The following CCDC47 variants were observed in gnomAD, a reference collection of about 807,000 sequenced individuals.
The protein encoded by CCDC47 is coiled-coil domain containing 47.
In CCDC47, 41 loss-of-function variants were observed where a neutral mutation model predicts 60.5. The ratio of observed to expected loss-of-function variants is 0.68; its 90% CI spans 0.53 to 0.88. CCDC47 has a LOEUF of 0.88. Ranked by LOEUF, CCDC47 falls within the 40% of genes least tolerant of loss-of-function variation. The probability of loss-of-function intolerance (pLI) is 0.00; values close to 1 mark genes in which losing one functional copy is unlikely to be tolerated. For synonymous variants in CCDC47, 195 were observed against 190.7 expected, an observed-to-expected ratio of 1.02 and a Z score of -0.18; for missense variants, 513 against 580.9, an observed-to-expected ratio of 0.88 and a Z score of 1.20.
chr17:63,771,125 C>A (rs1053378711), intron 1 of CCDC47, among the ~76,000 whole-genome samples: 2 of 151,680 alleles, frequency 1.3e-5, no homozygotes, highest in African/African-American at 4.9e-5. Context: ...TTGAGAAATG[C>A]CATAAAGGAT....
chr17:63,773,373 C>G (rs968570343), intron 1 of CCDC47, 39 bp downstream of exon 1: 1 of 152,324 alleles, frequency 6.6e-6, no homozygotes, highest in Non-Finnish European at 1.5e-5. Flanking sequence ...TCGGCCTGGC[C>G]CGGCCACGCC....
chr17:63,763,012 C>T (rs551558598), intron 4 of CCDC47, among the ~76,000 whole-genome samples: 1 of 152,288 alleles, frequency 6.6e-6, no homozygotes, highest in Non-Finnish European at 1.5e-5. Context: ...GCCTCAAACT[C>T]CTGAGCTCAA....
intron 4 of CCDC47, among the ~76,000 whole-genome samples, chr17:63,763,474 G>A (rs2039275093): frequency 6.6e-6 from 1 of 152,042 alleles, no homozygotes; most frequent in Non-Finnish European, 1.5e-5. Flanking sequence ...GCAGTGAACT[G>A]TAATCATACC....
chr17:63,772,581 T>C (rs764600633), intron 1 of CCDC47, among the ~76,000 whole-genome samples: 6 of 152,090 alleles, frequency 3.9e-5, no homozygotes, highest in Non-Finnish European at 8.8e-5. Context: ...CTTAAAACTT[T>C]TTTTTCATAT....
At chr17:63,771,334 G>A (rs948747036) in intron 1 of CCDC47, among the ~76,000 whole-genome samples, 8 of 152,046 alleles carry the variant, frequency 5.3e-5, no homozygotes, top group Admixed American at 6.6e-5. Flanking sequence ...TAGGTTATAC[G>A]TAAATACTAC....
intron 12 of CCDC47, 69 bp from the exon 13 acceptor site, chr17:63,747,030 C>A: frequency 6.4e-7 from 1 of 1,561,898 alleles, no homozygotes; most frequent in Admixed American, 2.0e-5. Flanking sequence ...AAGCTTGAAA[C>A]ATATGTTAAA....
intron 4 of CCDC47, 104 bp downstream of exon 4, chr17:63,763,912 T>C: frequency 1.4e-6 from 1 of 736,862 alleles, no homozygotes; most frequent in Non-Finnish European, 2.0e-6. Flanking sequence ...TGCACCCTCT[T>C]TGGTATTCCA....
chr17:63,765,876 C>G, intron 2 of CCDC47, 36 bp downstream of exon 2: 1 of 1,578,114 alleles, frequency 6.3e-7, no homozygotes, highest in South Asian at 1.2e-5. Context: ...GTGCTAGTTA[C>G]AAATTTTTCC....
In CCDC47 at chr17:63,752,053, G is replaced by A. The variant is rs1173442774; in HGVS notation, c.1258C>T (p.Leu420=). ...RARVEENFLK[L]THVQRQEAAQ... The stretch of plus-strand genomic sequence containing the variant: ...GCTTCCTGTCTTTGCACATGTGTCA[G>A]TTTCAAGAAGTTCTCTTCTACTCGG... The change falls in exon 12 of 13, where the codon CTG becomes TTG. Residue 420 remains leucine, a synonymous_variant. Coordinates refer to ENST00000225726, the MANE Select transcript of CCDC47 (RefSeq NM_020198.3). 1.9e-6 allele frequency: 3 copies of A among 1,613,558 alleles called. No individual in the cohort carries two copies. The highest frequency in any genetic ancestry group is 2.5e-6 in the Non-Finnish European group (3 of 1,179,990).
chr17:63,763,392 G>C (rs1314777522), intron 4 of CCDC47, among the ~76,000 whole-genome samples: 1 of 152,150 alleles, frequency 6.6e-6, no homozygotes, highest in East Asian at 1.9e-4. Flanking sequence ...GGGTGTGGTA[G>C]CATGTGCCTG....
intron 10 of CCDC47, 101 bp downstream of exon 10, chr17:63,752,640 T>G: frequency 8.1e-7 from 1 of 1,234,524 alleles, no homozygotes; most frequent in Non-Finnish European, 1.1e-6. Flanking sequence ...AGGCTTATAG[T>G]TTTGACGTAG....
chr17:63,754,296 G>A (rs1405078246), intron 9 of CCDC47, 137 bp downstream of exon 9: 1 of 654,700 alleles, frequency 1.5e-6, no homozygotes, highest in Non-Finnish European at 2.8e-6. Context: ...TGCAGTCAAA[G>A]CAAAGGAAAA....
intron 11 of CCDC47, 56 bp from the exon 12 acceptor site, chr17:63,752,163 A>G: frequency 1.9e-6 from 3 of 1,586,042 alleles, no homozygotes; most frequent in Non-Finnish European, 2.6e-6. Context: ...AACAGCAACA[A>G]AATCCCGTTT....
rs2039285700 is a variant in CCDC47, at chr17:63,764,811, C to T, written c.301G>A (p.Glu101Lys). The T allele has an allele frequency of 1.2e-6, 2 of 1,613,176 alleles. No homozygotes were observed. The highest frequency in any genetic ancestry group is 8.5e-7 in the Non-Finnish European group (1 of 1,179,730). ...GGTTTGTCTTCATAACCTTCAAATT[C>T]TTCATCATCATATGGTTCACTCTCA... ...DTESEPYDDE[E>K]FEGYEDKPDT... The change falls in exon 3 of 13, where the codon GAA (glutamate) becomes AAA (lysine). Residue 101 changes from glutamate (E) to lysine (K), a missense_variant. Physicochemically the swap from Glu to Lys is moderately conservative, Grantham distance 56. Transcript: ENST00000225726.
intron 2 of CCDC47, 186 bp downstream of exon 2, chr17:63,765,726 A>T: frequency 7.2e-7 from 1 of 1,396,744 alleles, no homozygotes; most frequent in Non-Finnish European, 9.3e-7. Context: ...TCAATAGAAG[A>T]ACACAATTCA....
At chr17:63,757,376 TAAAAA>T (rs200173061) in intron 6 of CCDC47, among the ~76,000 whole-genome samples, 4 of 131,570 alleles carry the variant, frequency 3.0e-5, no homozygotes, top group African/African-American at 5.8e-5. Flanking sequence ...CAAAAAAAAT[TAAAAA>T]AAAAAAAAAA....
intron 12 of CCDC47, among the ~76,000 whole-genome samples, chr17:63,751,240 C>T (rs1256052149): frequency 6.6e-6 from 1 of 151,144 alleles, no homozygotes; most frequent in African/African-American, 2.4e-5. Context: ...GTGGCGCACA[C>T]CTGTAGTCCC....
intron 12 of CCDC47, chr17:63,747,848 T>G: frequency 1.1e-6 from 1 of 946,370 alleles, no homozygotes; most frequent in Non-Finnish European, 1.3e-6. Flanking sequence ...ATTGACTGTC[T>G]TAGGTTTTTT....
intron 4 of CCDC47, among the ~76,000 whole-genome samples, chr17:63,762,852 A>T (rs2039270610): frequency 6.6e-6 from 1 of 152,244 alleles, no homozygotes; most frequent in South Asian, 2.1e-4. Flanking sequence ...CATCGATTAC[A>T]TTATACTAAT....
Sources: gnomAD v4.1 joint callset for allele counts (sites outside exome capture counted in the v4.1 genomes callset) on GRCh38, gnomAD v4.1.1 for gene constraint, MANE v1.5 for transcripts, NCBI Gene and HGNC (gene_info 2026-07-23, HGNC 2026-07-21) for gene names.